Variants in AGBL1 observed in about 807,000 individuals in gnomAD.
AGBL1 encodes the protein AGBL carboxypeptidase 1, also known as cytosolic carboxypeptidase 4.
Under a neutral mutation model 118.9 loss-of-function variants are expected in AGBL1, and 130 were observed. That is an observed-to-expected ratio of 1.09 (90% CI 0.95 to 1.26). The LOEUF (loss-of-function observed/expected upper bound fraction) is 1.26. Ranked by LOEUF, AGBL1 falls within the 50% of genes most tolerant of loss-of-function variation. The probability of loss-of-function intolerance (pLI) is 0.00; values close to 1 mark genes in which losing one functional copy is unlikely to be tolerated. For missense variants in AGBL1, 1,584 were observed against 1,298.1 expected (o/e 1.22, Z -3.38); for synonymous variants, 555 against 478.9 (o/e 1.16, Z -2.08).
chr15:86,271,491 T>C (rs1178548506), intron 14 of AGBL1, 128 bp from the exon 15 acceptor site: 1 of 733,678 alleles, frequency 1.4e-6, no homozygotes, highest in Non-Finnish European at 2.4e-6. Context: ...TCTGCAAATC[T>C]CTTTGGCGAT....
At chr15:86,767,110 A>G (rs750056438) in intron 22 of AGBL1, among the ~76,000 whole-genome samples, 1 of 152,048 alleles carries the variant, frequency 6.6e-6, no homozygotes, top group African/African-American at 2.4e-5. Context: ...TTAAATAAGT[A>G]TCAACTTTTA....
intron 1 of AGBL1, among the ~76,000 whole-genome samples, chr15:86,086,711 G>T (rs75489631): frequency 0.035 from 5,385 of 152,028 alleles, 166 homozygotes; most frequent in Non-Finnish European, 0.05. Flanking sequence ...TGGAGGAATC[G>T]CACAAAGTTA....
intron 1 of AGBL1, among the ~76,000 whole-genome samples, chr15:86,101,895 T>G (rs867837199): frequency 6.6e-5 from 10 of 152,350 alleles, no homozygotes; most frequent in Middle Eastern, 6.8e-3. Flanking sequence ...ATGTGAGGGC[T>G]TATTCCTGTC....
At chr15:86,856,371 T>G (rs2079479986) in intron 22 of AGBL1, among the ~76,000 whole-genome samples, 1 of 152,200 alleles carries the variant, frequency 6.6e-6, no homozygotes, top group African/African-American at 2.4e-5. Context: ...TCTCCATGGT[T>G]ACTGGGAGAT....
chr15:86,713,199 A>G (rs1340243857), intron 22 of AGBL1, among the ~76,000 whole-genome samples: 3 of 152,252 alleles, frequency 2.0e-5, no homozygotes, highest in Admixed American at 6.5e-5. Flanking sequence ...GTATAGCTAC[A>G]TCATTAATTA....
At chr15:86,176,850 A>C (rs118131975) in intron 5 of AGBL1, among the ~76,000 whole-genome samples, 5,181 of 152,254 alleles carry the variant, frequency 0.034, 121 homozygotes, top group Non-Finnish European at 0.057. Flanking sequence ...TCCTGTGGCT[A>C]GGATTGCAGG....
At chr15:86,630,842 A>T (rs568971619) in intron 21 of AGBL1, among the ~76,000 whole-genome samples, 1 of 152,366 alleles carries the variant, frequency 6.6e-6, no homozygotes, top group East Asian at 1.9e-4. Context: ...GGTAAGTAAA[A>T]GCAAATGAAC....
intron 1 of AGBL1, among the ~76,000 whole-genome samples, chr15:86,102,853 G>C (rs1896818114): frequency 6.6e-6 from 1 of 152,074 alleles, no homozygotes; most frequent in African/African-American, 2.4e-5. Flanking sequence ...GGATTTTTCA[G>C]CCACTATTTT....
At chr15:86,398,817 A>G (rs2081404158) in intron 18 of AGBL1, among the ~76,000 whole-genome samples, 1 of 152,150 alleles carries the variant, frequency 6.6e-6, no homozygotes, top group Non-Finnish European at 1.5e-5. Context: ...GATGAAAAGC[A>G]TAAATTCCAA....
chr15:86,253,675 G>A (rs1473784764), intron 7 of AGBL1, among the ~76,000 whole-genome samples: 5 of 152,186 alleles, frequency 3.3e-5, no homozygotes, highest in Non-Finnish European at 4.4e-5. Context: ...CAAGTTTGAA[G>A]CAGGAGACTG....
intron 16 of AGBL1, among the ~76,000 whole-genome samples, chr15:86,288,253 A>G (rs2079485872): frequency 6.6e-6 from 1 of 152,190 alleles, no homozygotes; most frequent in Admixed American, 6.6e-5. Context: ...AGAGACTATA[A>G]TCTGAATCCA....
intron 22 of AGBL1, among the ~76,000 whole-genome samples, chr15:86,698,244 G>A (rs1013582457): frequency 6.6e-6 from 1 of 152,016 alleles, no homozygotes; most frequent in Non-Finnish European, 1.5e-5. Flanking sequence ...AGGACATAGA[G>A]TGGGATGCAG....
chr15:86,946,201 A>G (rs552341600), intron 23 of AGBL1: 1 of 152,310 alleles, frequency 6.6e-6, no homozygotes, highest in East Asian at 1.9e-4. Context: ...AGGGGCTACT[A>G]TTTGGTTGGA....
intron 17 of AGBL1, among the ~76,000 whole-genome samples, chr15:86,322,096 G>A (rs1000409335): frequency 1.3e-5 from 2 of 150,004 alleles, no homozygotes; most frequent in African/African-American, 2.5e-5. Context: ...TAACTATCTC[G>A]TGTGCATGAA....
chr15:86,856,575 G>T (rs2079483932), intron 22 of AGBL1, among the ~76,000 whole-genome samples: 1 of 152,190 alleles, frequency 6.6e-6, no homozygotes, highest in South Asian at 2.1e-4. Context: ...CTGGAACTTT[G>T]GTATTGATAA....
intron 21 of AGBL1, among the ~76,000 whole-genome samples, chr15:86,609,493 G>C (rs190241848): frequency 2.6e-5 from 4 of 152,102 alleles, no homozygotes; most frequent in Admixed American, 2.6e-4. Context: ...TGGCACCTGT[G>C]GGGTAGGGTA....
intron 24 of AGBL1, among the ~76,000 whole-genome samples, chr15:87,009,416 A>G (rs995961873): frequency 6.6e-6 from 1 of 152,216 alleles, no homozygotes; most frequent in Non-Finnish European, 1.5e-5. Flanking sequence ...TAATGTACAG[A>G]AATGCCTGGA....
intron 22 of AGBL1, among the ~76,000 whole-genome samples, chr15:86,850,712 T>C (rs1452001186): frequency 1.3e-5 from 2 of 152,204 alleles, no homozygotes; most frequent in Non-Finnish European, 2.9e-5. Flanking sequence ...CTGTATGATA[T>C]ATTGTTGTAT....
At position 86,426,717 on chromosome 15, in the gene AGBL1, A is replaced by C. The variant is rs1567252014; in HGVS notation, c.2555+29171A>C. On this transcript the variant is annotated intron_variant, in intron 18 of 22. Transcript: ENST00000614907. Reference sequence around the variant, plus strand: ...TGTGGATCATATCCTAAAGCTGCCCAAGTGGGGCTGCTTAACTATTTATTT... The same window carrying C: ...TGTGGATCATATCCTAAAGCTGCCCCAGTGGGGCTGCTTAACTATTTATTT... 2.0e-5 allele frequency among the ~76,000 whole-genome samples: 3 copies of C among 152,286 alleles called. 1 individual carries two copies. In the East Asian group the frequency reaches 5.8e-4, roughly 29 times the overall value.
Sources: allele counts gnomAD v4.1 joint callset (sites outside exome capture counted in the v4.1 genomes callset), GRCh38; gene constraint gnomAD v4.1.1; transcripts MANE v1.5; gene names NCBI Gene and HGNC (gene_info 2026-07-23, HGNC 2026-07-21).